The following CCDC178 variants were observed in gnomAD, a reference collection of about 807,000 sequenced individuals.
The protein encoded by CCDC178 is coiled-coil domain containing 178.
CCDC178 carries 126 observed loss-of-function variants against 117.4 expected under a neutral mutation model. That is an observed-to-expected ratio of 1.07 (90% CI 0.93 to 1.24). CCDC178 has a LOEUF of 1.24. Ranked by LOEUF, CCDC178 falls within the 50% of genes most tolerant of loss-of-function variation. CCDC178 has a pLI of 0.00. For synonymous variants in CCDC178, 283 were observed against 313.4 expected (o/e 0.90, Z 1.02); for missense variants, 1,030 against 986.9 (o/e 1.04, Z -0.59).
rs899446084 is a variant in CCDC178, at chr18:33,135,424, C to T, written c.2239-42514G>A. On this transcript the variant is annotated intron_variant, in intron 20 of 22. Coordinates refer to ENST00000383096, the MANE Select transcript of CCDC178 (RefSeq NM_001105528.4). ...CTGATTTTTAAGTATCATGCAGCAACGTATCAAAAATCAATTTGATCTATC... is the reference window on the plus strand; with the variant it reads ...CTGATTTTTAAGTATCATGCAGCAATGTATCAAAAATCAATTTGATCTATC... Among the ~76,000 whole-genome samples the T allele has an allele frequency of 1.3e-4, 20 of 151,996 alleles. No homozygotes were observed. The East Asian group carries it at 2.3e-3, about 18-fold the overall frequency.
intron 5 of CCDC178, among the ~76,000 whole-genome samples, chr18:33,377,912 C>T (rs1366240143): frequency 6.6e-6 from 1 of 152,074 alleles, no homozygotes; most frequent in Non-Finnish European, 1.5e-5. Flanking sequence ...GTTAGAATTG[C>T]TTAGACTGTT....
chr18:33,165,233 G>T (rs1025461780), intron 20 of CCDC178, among the ~76,000 whole-genome samples: 2 of 152,112 alleles, frequency 1.3e-5, no homozygotes, highest in African/African-American at 4.8e-5. Context: ...CATGCCTGTA[G>T]TCTGAGCTGC....
intron 20 of CCDC178, among the ~76,000 whole-genome samples, chr18:33,210,931 T>C (rs1233653197): frequency 6.6e-6 from 1 of 152,030 alleles, no homozygotes; most frequent in Non-Finnish European, 1.5e-5. Context: ...GACAAACCAA[T>C]AGAACTAAGA....
chr18:33,285,998 G>A (rs2060094706), intron 12 of CCDC178, among the ~76,000 whole-genome samples: 1 of 123,062 alleles, frequency 8.1e-6, no homozygotes, highest in African/African-American at 3.0e-5. Flanking sequence ...TTTTGAGATG[G>A]AGTCTCACTC....
intron 22 of CCDC178, among the ~76,000 whole-genome samples, chr18:32,970,563 G>T (rs2054904336): frequency 6.6e-6 from 1 of 151,940 alleles, no homozygotes; most frequent in African/African-American, 2.4e-5. Flanking sequence ...GGTCTGTTAT[G>T]CAATTTTTAG....
chr18:33,420,031 A>G (rs1022168267), intron 2 of CCDC178, among the ~76,000 whole-genome samples: 1 of 152,172 alleles, frequency 6.6e-6, no homozygotes, highest in Non-Finnish European at 1.5e-5. Context: ...TAGCAAAAAC[A>G]TGGAATCATC....
At position 33,001,190 on chromosome 18, in the gene CCDC178, A is replaced by G. The variant is rs141565983; in HGVS notation, c.2389-26509T>C. ...TATGATAGTATTTTCAAGCCTCATG[A>G]TAACCTCAAATCGAAAAACATACAA... On this transcript the variant is annotated intron_variant, in intron 21 of 22. Transcript: ENST00000383096. Among the ~76,000 whole-genome samples the G allele has an allele frequency of 4.0e-3, 611 of 152,286 alleles. 3 individuals are homozygous for G. The highest frequency in any genetic ancestry group is 0.014 in the Middle Eastern group (4 of 294).
intron 20 of CCDC178, among the ~76,000 whole-genome samples, chr18:33,195,331 T>C (rs2058918479): frequency 1.3e-5 from 2 of 151,990 alleles, no homozygotes; most frequent in South Asian, 4.1e-4. Flanking sequence ...TTCATGGCCT[T>C]AAGTTAAAAA....
chr18:33,292,045 A>G (rs578054769), intron 12 of CCDC178, among the ~76,000 whole-genome samples: 1 of 152,176 alleles, frequency 6.6e-6, no homozygotes, highest in Non-Finnish European at 1.5e-5. Context: ...CCACTAAGAA[A>G]AGAATTACAT....
At chr18:33,426,135 T>C (rs750993603) in intron 2 of CCDC178, among the ~76,000 whole-genome samples, 77 of 152,312 alleles carry the variant, frequency 5.1e-4, no homozygotes, top group Non-Finnish European at 1.0e-3. Flanking sequence ...ATTCTCGATC[T>C]CCTGACTTCG....
intron 22 of CCDC178, among the ~76,000 whole-genome samples, chr18:32,944,717 A>G (rs2054307985): frequency 6.6e-6 from 1 of 152,180 alleles, no homozygotes; most frequent in South Asian, 2.1e-4. Flanking sequence ...CTCACCTTGA[A>G]TTGTAGCTCC....
At chr18:33,270,798 C>G (rs2059878382) in intron 12 of CCDC178, among the ~76,000 whole-genome samples, 1 of 151,448 alleles carries the variant, frequency 6.6e-6, no homozygotes, top group Non-Finnish European at 1.5e-5. Context: ...TAAAGACAAC[C>G]AGTAATCATA....
Position 33,333,223 on chromosome 18 carries a change from T to A in CCDC178, c.830A>T (p.Gln277Leu). The change falls in exon 10 of 23, where the codon CAG becomes CTG. Residue 277 changes from glutamine to leucine, a missense_variant. Coordinates refer to ENST00000383096, the MANE Select transcript of CCDC178 (RefSeq NM_001105528.4). Reference sequence around the variant, plus strand: ...CTTCAGATCTTGAAGTTCCTGATTCTGCTTAGAGTCCAGTAGAGGGCCATG... The same window carrying A: ...CTTCAGATCTTGAAGTTCCTGATTCAGCTTAGAGTCCAGTAGAGGGCCATG... Reference protein sequence around the residue: ...NEHGPLLDSKQNQELQDLKNH... With the variant: ...NEHGPLLDSKLNQELQDLKNH... 2 of 1,611,074 alleles carry A rather than the reference T, an allele frequency of 1.2e-6. No homozygotes were observed. The highest frequency in any genetic ancestry group is 1.7e-6 in the Non-Finnish European group (2 of 1,178,500).
intron 20 of CCDC178, among the ~76,000 whole-genome samples, chr18:33,139,887 A>C (rs2058178767): frequency 6.6e-6 from 1 of 152,118 alleles, no homozygotes; most frequent in Non-Finnish European, 1.5e-5. Context: ...GCCTCCCATC[A>C]CAGGCCTGGA....
intron 2 of CCDC178, among the ~76,000 whole-genome samples, chr18:33,416,898 AATGAG>A (rs1295237642): frequency 6.7e-6 from 1 of 150,124 alleles, no homozygotes. Context: ...TTAAAACCAT[AATGAG>A]ATATCTATCT....
At chr18:33,117,610 A>G (rs960956039) in intron 20 of CCDC178, among the ~76,000 whole-genome samples, 6 of 152,050 alleles carry the variant, frequency 3.9e-5, no homozygotes, top group Non-Finnish European at 8.8e-5. Flanking sequence ...ATTAGGAGAT[A>G]TACCTAATGT....
intron 11 of CCDC178, among the ~76,000 whole-genome samples, chr18:33,296,068 G>A (rs770981897): frequency 4.6e-5 from 7 of 151,760 alleles, no homozygotes; most frequent in Non-Finnish European, 1.0e-4. Context: ...TTCAAGCTCT[G>A]GTATATCCAT....
At chr18:32,961,410 A>G (rs1216232868) in intron 22 of CCDC178, among the ~76,000 whole-genome samples, 2 of 152,150 alleles carry the variant, frequency 1.3e-5, no homozygotes, top group East Asian at 3.9e-4. Context: ...AGACTCACCA[A>G]CCATATTGAG....
intron 11 of CCDC178, among the ~76,000 whole-genome samples, chr18:33,309,524 G>A (rs2062306462): frequency 6.6e-6 from 1 of 152,122 alleles, no homozygotes; most frequent in African/African-American, 2.4e-5. Flanking sequence ...CTTATTAAAT[G>A]TCTGGGTTAT....
Sources: gnomAD v4.1 joint callset for allele counts (sites outside exome capture counted in the v4.1 genomes callset) on GRCh38, gnomAD v4.1.1 for gene constraint, MANE v1.5 for transcripts, NCBI Gene and HGNC (gene_info 2026-07-23, HGNC 2026-07-21) for gene names.